The following DMD variants were observed in gnomAD, a reference collection of about 807,000 sequenced individuals.
The protein encoded by DMD is dystrophin.
In DMD, 63 loss-of-function variants were observed where a neutral mutation model predicts 330.1. The observed-to-expected ratio is 0.19, with a 90% CI of 0.16 to 0.24. The LOEUF is 0.24. Among genes scored for constraint, DMD ranks in the 10% least tolerant of loss-of-function variants. The probability of loss-of-function intolerance (pLI) is 1.00; values close to 1 mark genes in which losing one functional copy is unlikely to be tolerated. For missense variants in DMD, 3,344 were observed against 2,684.1 expected (o/e 1.25, Z -5.43); for synonymous variants, 1,223 against 959.8 (o/e 1.27, Z -5.07).
chrX:33,336,763 G>GT (rs2148968505), intron 1 of DMD, among the ~76,000 whole-genome samples: 1 of 111,122 alleles, frequency 9.0e-6, no homozygotes, highest in African/African-American at 3.3e-5. Flanking sequence ...CTCCTTCATC[G>GT]TTTTTTCTTC....
At chrX:32,120,464 G>C (rs1414079269) in intron 44 of DMD, among the ~76,000 whole-genome samples, 1 of 112,051 alleles carries the variant, frequency 8.9e-6, no homozygotes, top group Non-Finnish European at 1.9e-5. Flanking sequence ...CTACCAGTCA[G>C]AATCTAGGTC....
At chrX:32,305,023 C>A (rs1267104899) in intron 42 of DMD, among the ~76,000 whole-genome samples, 1 of 111,361 alleles carries the variant, frequency 9.0e-6, no homozygotes, top group Non-Finnish European at 1.9e-5. Context: ...TTATTAAATA[C>A]CCCTGTATTA....
intron 44 of DMD, among the ~76,000 whole-genome samples, chrX:32,045,619 T>C (rs1312695995): frequency 9.0e-6 from 1 of 111,541 alleles, no homozygotes; most frequent in Non-Finnish European, 1.9e-5. Context: ...CTTGATACTC[T>C]TGTTTTTCTG....
At chrX:31,436,165 CACTT>C (rs201674929) in intron 60 of DMD, among the ~76,000 whole-genome samples, 9,471 of 111,379 alleles carry the variant, frequency 0.085, 336 homozygotes, top group East Asian at 0.23. Flanking sequence ...ATAATAAACA[CACTT>C]ACATGGATTA....
At chrX:32,802,521 G>A (rs2076651027) in intron 7 of DMD, among the ~76,000 whole-genome samples, 1 of 111,641 alleles carries the variant, frequency 9.0e-6, no homozygotes, top group South Asian at 3.8e-4. Flanking sequence ...TGTTGAATAG[G>A]AGTGATGAGA....
chrX:32,686,560 A>AG (rs2062885287), intron 9 of DMD, among the ~76,000 whole-genome samples: 1 of 55,578 alleles, frequency 1.8e-5, no homozygotes, highest in African/African-American at 1.1e-4. Flanking sequence ...ACTCCATCTC[A>AG]AAAAAAAAAA....
At chrX:32,033,653 G>A (rs201432959) in intron 44 of DMD, among the ~76,000 whole-genome samples, 55 of 59,068 alleles carry the variant, frequency 9.3e-4, no homozygotes, top group African/African-American at 1.5e-3. Flanking sequence ...AAGAAAGAAA[G>A]AAGAAAGAAA....
chrX:32,838,457 T>C (rs781563243), intron 4 of DMD, among the ~76,000 whole-genome samples: 1 of 111,157 alleles, frequency 9.0e-6, no homozygotes, highest in South Asian at 3.9e-4. Context: ...CCATATGTTC[T>C]CATTGTTCAG....
chrX:32,775,410 C>G (rs921122307), intron 7 of DMD, among the ~76,000 whole-genome samples: 6 of 112,798 alleles, frequency 5.3e-5, no homozygotes, highest in African/African-American at 1.9e-4. Flanking sequence ...CATGAGGACT[C>G]CGCCCCTGCA....
At chrX:31,644,957 C>G (rs929465194) in intron 54 of DMD, among the ~76,000 whole-genome samples, 1 of 111,644 alleles carries the variant, frequency 9.0e-6, no homozygotes, top group Non-Finnish European at 1.9e-5. Context: ...CCAGCAGCAA[C>G]CTAGCAACTA....
chrX:31,273,301 C>T (rs888057747), intron 62 of DMD, among the ~76,000 whole-genome samples: 8 of 112,040 alleles, frequency 7.1e-5, no homozygotes, highest in Admixed American at 4.7e-4. Flanking sequence ...AGTCCTGTCA[C>T]TTTTCTTGAA....
At chrX:31,523,084 A>G (rs1028689893) in intron 55 of DMD, among the ~76,000 whole-genome samples, 3 of 111,116 alleles carry the variant, frequency 2.7e-5, no homozygotes, top group African/African-American at 9.8e-5. Context: ...CTCCACTCTG[A>G]GAGATCATGA....
At chrX:32,571,405 A>G (rs981713155) in intron 15 of DMD, among the ~76,000 whole-genome samples, 1 of 111,124 alleles carries the variant, frequency 9.0e-6, no homozygotes, top group African/African-American at 3.3e-5. Context: ...ACTTTTTTGA[A>G]ATCTTTATTC....
At chrX:31,792,495 C>T (rs766944461) in intron 50 of DMD, among the ~76,000 whole-genome samples, 156 of 111,998 alleles carry the variant, frequency 1.4e-3, no homozygotes, top group African/African-American at 4.9e-3. Flanking sequence ...TGTTTTCTGT[C>T]GTGTCTTTGA....
intron 67 of DMD, among the ~76,000 whole-genome samples, chrX:31,189,728 C>T (rs1365227241): frequency 8.9e-6 from 1 of 112,235 alleles, no homozygotes; most frequent in Non-Finnish European, 1.9e-5. Context: ...GGGAATTCAA[C>T]TGCAATATGA....
intron 52 of DMD, among the ~76,000 whole-genome samples, chrX:31,689,837 T>A (rs986244350): frequency 6.3e-5 from 7 of 111,710 alleles, no homozygotes; most frequent in African/African-American, 2.0e-4. Context: ...CCATCTGATC[T>A]TTGACAAACC....
intron 7 of DMD, among the ~76,000 whole-genome samples, chrX:32,777,562 AGAATAAGACCTCT>A (rs2074302267): frequency 9.0e-6 from 1 of 110,997 alleles, no homozygotes; most frequent in African/African-American, 3.3e-5. Flanking sequence ...AGAATAAACA[AGAATAAGACCTCT>A]GAATTCAGGA....
chrX:32,452,328 TGAAAGTGAAAGGGAAAGGGAAAGG>T lies in DMD; in HGVS notation c.3603+2310_3603+2333del, dbSNP rs1435917600. On this transcript the variant is annotated intron_variant, in intron 26 of 78. Transcript: ENST00000357033. Reference sequence around the variant, plus strand: ...GGGAAAGTGAAAGTGAAAGTGAAAGTGAAAGTGAAAGGGAAAGGGAAAGGGAAAGGGAAAGGGAAAGGGAAAGGG... The same window carrying T: ...GGGAAAGTGAAAGTGAAAGTGAAAGTGAAAGGGAAAGGGAAAGGGAAAGGG... Among the ~76,000 whole-genome samples the T allele has an allele frequency of 1.1e-3, 15 of 13,886 alleles. 1 individual carries two copies. Among genetic ancestry groups the T allele is most frequent in the African/African-American group, 2.1e-3 (6 of 2,798 alleles). The allele number at this position is 13,886 out of a possible 115,157, so 12.1% of individuals were successfully genotyped here. A position where few individuals can be genotyped will look rare whatever the true frequency, so the allele number is the denominator to read the frequency against.
At chrX:32,995,754 C>CAT (rs2093102140) in intron 2 of DMD, among the ~76,000 whole-genome samples, 1 of 111,429 alleles carries the variant, frequency 9.0e-6, no homozygotes, top group Non-Finnish European at 1.9e-5. Flanking sequence ...TATTACGTAC[C>CAT]ATATAGTAAA....
Sources: allele counts gnomAD v4.1 joint callset (sites outside exome capture counted in the v4.1 genomes callset), GRCh38; gene constraint gnomAD v4.1.1; transcripts MANE v1.5; gene names NCBI Gene and HGNC (gene_info 2026-07-23, HGNC 2026-07-21).